The following ATRNL1 variants were observed in gnomAD, a reference collection of about 807,000 sequenced individuals.
ATRNL1 encodes attractin-like protein 1.
Under a neutral mutation model 182.7 loss-of-function variants are expected in ATRNL1, and 95 were observed. The ratio of observed to expected loss-of-function variants is 0.52; its 90% CI spans 0.44 to 0.62. The LOEUF (loss-of-function observed/expected upper bound fraction) is 0.62, where lower values mean the gene tolerates loss of function less well. Among genes scored for constraint, ATRNL1 ranks in the 20% least tolerant of loss-of-function variants. ATRNL1 has a pLI of 0.00. For synonymous variants in ATRNL1, 576 were observed against 568.3 expected, an observed-to-expected ratio of 1.01 and a Z score of -0.19; for missense variants, 1,471 against 1,679.5, an observed-to-expected ratio of 0.88 and a Z score of 2.17.
intron 10 of ATRNL1, among the ~76,000 whole-genome samples, chr10:115,262,367 G>A (rs1043085831): frequency 1.3e-5 from 2 of 151,674 alleles, no homozygotes; most frequent in Non-Finnish European, 2.9e-5. Context: ...GAAATATCTG[G>A]AAAATATGAT....
chr10:115,773,071 C>T (rs1337634468), intron 27 of ATRNL1, among the ~76,000 whole-genome samples: 3 of 152,080 alleles, frequency 2.0e-5, no homozygotes, highest in Middle Eastern at 3.4e-3. Flanking sequence ...AAAACTACTA[C>T]GGAAGCAGAA....
rs782100392 is a variant in ATRNL1 at position 115,300,036 on chromosome 10, A to G, written c.2418A>G (p.Lys806=). The G allele has an allele frequency of 6.2e-7, 1 of 1,606,814 alleles. No individual in the cohort carries two copies. The highest frequency in any genetic ancestry group is 8.5e-7 in the Non-Finnish European group (1 of 1,174,626). Residue 806 remains lysine (K), a splice_region_variant and synonymous_variant, in exon 16 of 29, where the codon AAA becomes AAG. Transcript: ENST00000355044. The part of the protein sequence containing the change: ...LDEIQKYTQQ[K]VSPWVGLRKI... ...GCCCCTTTTCCTGTTGTTTACAGAA[A>G]GTATCACCTTGGGTAGGCTTGCGCA...
chr10:115,267,513 A>G (rs952288905), intron 12 of ATRNL1, among the ~76,000 whole-genome samples: 1 of 151,960 alleles, frequency 6.6e-6, no homozygotes, highest in African/African-American at 2.4e-5. Context: ...TCAATTATTA[A>G]TCAGTTAGCT....
chr10:115,790,156 C>T (rs1555081386), intron 27 of ATRNL1, among the ~76,000 whole-genome samples: 1 of 151,412 alleles, frequency 6.6e-6, no homozygotes, highest in African/African-American at 2.4e-5. Flanking sequence ...TCATAGAATG[C>T]ATGGTCTGTC....
intron 26 of ATRNL1, among the ~76,000 whole-genome samples, chr10:115,712,880 G>A (rs1182836091): frequency 4.1e-5 from 6 of 146,594 alleles, no homozygotes; most frequent in Admixed American, 2.1e-4. Flanking sequence ...AAAAAAAAAA[G>A]AAAAAAAAAT....
intron 20 of ATRNL1, among the ~76,000 whole-genome samples, chr10:115,396,295 T>C (rs141688384): frequency 1.2e-4 from 18 of 151,990 alleles, no homozygotes; most frequent in Admixed American, 6.6e-5. Context: ...ATTAAATCAT[T>C]GTCTTCTGTT....
At chr10:115,188,362 T>C (rs1210115251) in intron 8 of ATRNL1, among the ~76,000 whole-genome samples, 4 of 152,138 alleles carry the variant, frequency 2.6e-5, no homozygotes, top group Non-Finnish European at 5.9e-5. Flanking sequence ...TCCTTTTTTG[T>C]TATACTTAGA....
At chr10:115,804,096 A>C (rs1265322710) in intron 27 of ATRNL1, among the ~76,000 whole-genome samples, 2 of 152,220 alleles carry the variant, frequency 1.3e-5, no homozygotes, top group Admixed American at 6.5e-5. Context: ...AGAAAGGAAC[A>C]AAACTCCATT....
chr10:115,393,524 T>C (rs1366943265), intron 19 of ATRNL1, among the ~76,000 whole-genome samples: 4 of 152,154 alleles, frequency 2.6e-5, no homozygotes, highest in Non-Finnish European at 5.9e-5. Context: ...TAGAATGGTT[T>C]AGCTAACTGG....
intron 28 of ATRNL1, among the ~76,000 whole-genome samples, chr10:115,875,937 G>A (rs578245868): frequency 6.6e-6 from 1 of 152,300 alleles, no homozygotes; most frequent in Admixed American, 6.5e-5. Context: ...GGATGACTGG[G>A]AATTAGCCAG....
At chr10:115,283,326 A>G (rs1461160707) in intron 14 of ATRNL1, among the ~76,000 whole-genome samples, 5 of 152,074 alleles carry the variant, frequency 3.3e-5, no homozygotes, top group African/African-American at 1.2e-4. Flanking sequence ...AGGCAGGAGA[A>G]TCACTTGAAC....
At position 115,549,440 on chromosome 10, in the gene ATRNL1, TTG is replaced by T. The variant is rs1852842342; in HGVS notation, c.3717-14_3717-13del. ...CAAATAAGTTTTGAGCAAAAATTAT[TTG>T]TGTTTTATTTTCCAGTTGTTTCCTA... On this transcript the variant is annotated splice_polypyrimidine_tract_variant and intron_variant, in intron 25 of 28. Coordinates refer to ENST00000355044, the MANE Select transcript of ATRNL1 (RefSeq NM_207303.4). 1.9e-6 allele frequency: 3 copies of T among 1,572,188 alleles called. No homozygotes were observed. Among genetic ancestry groups the T allele is most frequent in the Non-Finnish European group, 2.6e-6 (3 of 1,158,964 alleles).
intron 19 of ATRNL1, among the ~76,000 whole-genome samples, chr10:115,359,931 A>G (rs1554943761): frequency 6.6e-6 from 1 of 151,648 alleles, no homozygotes; most frequent in Admixed American, 6.6e-5. Flanking sequence ...TGTGATTTTT[A>G]ACATACATTT....
intron 24 of ATRNL1, among the ~76,000 whole-genome samples, chr10:115,502,781 A>T (rs1849909584): frequency 1.3e-5 from 2 of 152,242 alleles, no homozygotes; most frequent in South Asian, 4.1e-4. Flanking sequence ...ATTAGGAGAA[A>T]TATCAAATGT....
intron 27 of ATRNL1, among the ~76,000 whole-genome samples, chr10:115,760,334 A>G (rs1948704314): frequency 2.1e-5 from 3 of 142,940 alleles, no homozygotes; most frequent in South Asian, 2.1e-4. Context: ...TTGTGATGAC[A>G]TGACATTTTC....
At chr10:115,115,386 T>C (rs1554869621) in intron 1 of ATRNL1, among the ~76,000 whole-genome samples, 1 of 152,164 alleles carries the variant, frequency 6.6e-6, no homozygotes, top group African/African-American at 2.4e-5. Flanking sequence ...ACTACATTGC[T>C]AATAGAGTGG....
intron 26 of ATRNL1, among the ~76,000 whole-genome samples, chr10:115,684,497 T>A (rs1003386090): frequency 6.6e-6 from 1 of 151,430 alleles, no homozygotes; most frequent in African/African-American, 2.4e-5. Context: ...TAAGGTTTTT[T>A]AAACAGATTT....
Position 115,944,974 on chromosome 10 carries a change from G to A in ATRNL1, c.*195G>A, listed in dbSNP as rs868916778. On this transcript the variant is annotated 3_prime_UTR_variant, in exon 29 of 29. Transcript: ENST00000355044. Reference sequence around the variant, plus strand: ...TTTATAAAAGTATTGATGGTCACAGGTGATAAAGTCAGTTTTTACCACTAT... The same window carrying A: ...TTTATAAAAGTATTGATGGTCACAGATGATAAAGTCAGTTTTTACCACTAT... The A allele has an allele frequency of 4.1e-6, 2 of 487,716 alleles. No individual in the cohort carries two copies. Among genetic ancestry groups the A allele is most frequent in the Non-Finnish European group, 3.3e-6 (1 of 304,620 alleles). 30.2% of individuals were successfully genotyped at this position (487,716 alleles called of 1,614,324 possible). A position where few individuals can be genotyped will look rare whatever the true frequency, so the allele number is the denominator to read the frequency against.
In ATRNL1 at chr10:115,171,260, G is replaced by C; in HGVS notation, c.1316G>C (p.Gly439Ala). 6.2e-7 allele frequency: 1 copy of C among 1,607,380 alleles called. No homozygotes were observed. Among genetic ancestry groups the C allele is most frequent in the Non-Finnish European group, 8.5e-7 (1 of 1,175,342 alleles). ...IIIFGYSAIY[G>A]YTSSIQEYHI... ...ATATTTGGATATTCTGCAATATATG[G>C]TTATACAAGCAGCATACAGGAATAC... Residue 439 changes from glycine (G) to alanine (A), a missense_variant, in exon 8 of 29, where the codon GGT becomes GCT. Gly to Ala is a moderately conservative substitution (Grantham distance 60, BLOSUM62 0). Transcript: ENST00000355044.
Sources: gnomAD v4.1 joint callset for allele counts (sites outside exome capture counted in the v4.1 genomes callset) on GRCh38, gnomAD v4.1.1 for gene constraint, MANE v1.5 for transcripts, NCBI Gene and HGNC (gene_info 2026-07-23, HGNC 2026-07-21) for gene names.